The following PRSS35 variants were observed in gnomAD, a reference collection of about 807,000 sequenced individuals.
PRSS35 encodes the protein inactive serine protease 35.
A neutral mutation model predicts 8.1 loss-of-function variants in PRSS35; 7 were observed. That is an observed-to-expected ratio of 0.86 (90% CI 0.49 to 1.62). PRSS35 has a LOEUF of 1.62. PRSS35 is among the 40% of genes most tolerant of loss of function. The probability of loss-of-function intolerance (pLI) is 0.00; values close to 1 mark genes in which losing one functional copy is unlikely to be tolerated. For missense variants in PRSS35, 566 were observed against 518.0 expected, an observed-to-expected ratio of 1.09 and a Z score of -0.90; for synonymous variants, 199 against 188.7, an observed-to-expected ratio of 1.05 and a Z score of -0.45.
rs1309107427 is a variant in PRSS35 at position 83,525,048 on chromosome 6, A to C, written c.*365A>C. The C allele has an allele frequency of 5.0e-6, 1 of 201,408 alleles. No homozygotes were observed. Among genetic ancestry groups the C allele is most frequent in the Non-Finnish European group, 1.1e-5 (1 of 90,146 alleles). 12.5% of individuals were successfully genotyped at this position (201,408 alleles called of 1,614,324 possible). A position where few individuals can be genotyped will look rare whatever the true frequency, so the allele number is the denominator to read the frequency against. On this transcript the variant is annotated 3_prime_UTR_variant, in exon 2 of 2. Transcript: ENST00000369700. ...GGTCCTACTCTAAGAAGAATCTAAT[A>C]GGATGCTGGTTGTGTATTAAATGTG...
intron 1 of PRSS35, 69 bp from the exon 2 acceptor site, chr6:83,523,353 C>G (rs1221739862): frequency 1.7e-6 from 2 of 1,207,074 alleles, no homozygotes; most frequent in Non-Finnish European, 2.3e-6. Flanking sequence ...GATCCAAGGG[C>G]TGAATGAAAT....
chr6:83,524,236 A>G lies in PRSS35; in HGVS notation c.795A>G (p.Arg265=). The change falls in exon 2 of 2, where the codon CGA becomes CGG. Residue 265 remains arginine, a synonymous_variant. Coordinates refer to ENST00000369700, the MANE Select transcript of PRSS35 (RefSeq NM_153362.3). ...CCCACATTCCGAAGGGCTGGGCACG[A>G]GGAGGCATGGGGGACGCTACCTTGG... is the stretch of plus-strand genomic sequence containing the variant. ...KNTHIPKGWA[R]GGMGDATLDY... The G allele has an allele frequency of 6.2e-7, 1 of 1,614,128 alleles. No individual in the cohort carries two copies. Among genetic ancestry groups the G allele is most frequent in the Non-Finnish European group, 8.5e-7 (1 of 1,180,026 alleles).
In PRSS35 at chr6:83,523,812, T is replaced by C. The variant is rs1562035173; in HGVS notation, c.371T>C (p.Val124Ala). 1.9e-6 allele frequency: 3 copies of C among 1,614,102 alleles called. No individual in the cohort carries two copies. Among genetic ancestry groups the C allele is most frequent in the Non-Finnish European group, 2.5e-6 (3 of 1,180,018 alleles). Residue 124 changes from valine (V) to alanine (A), a missense_variant, in exon 2 of 2, where the codon GTG becomes GCG. Coordinates refer to ENST00000369700, the MANE Select transcript of PRSS35 (RefSeq NM_153362.3). Reference sequence around the variant, plus strand: ...GTATCTGTTAGGAGAAAGAGACAGGTGTATGGCACCGACAGCAGGTTCAGC... The same window carrying C: ...GTATCTGTTAGGAGAAAGAGACAGGCGTATGGCACCGACAGCAGGTTCAGC... ...KGVSVRRKRQ[V>A]YGTDSRFSIL...
chr6:83,517,805 G>A (rs760873744), intron 1 of PRSS35, among the ~76,000 whole-genome samples: 5 of 152,206 alleles, frequency 3.3e-5, no homozygotes, highest in Non-Finnish European at 7.3e-5. Context: ...TTAAAAGGTG[G>A]TCATGCAATC....
Position 83,512,871 on chromosome 6 carries a change from C to T in PRSS35, c.-21+177C>T, listed in dbSNP as rs529295352. Among the ~76,000 whole-genome samples the T allele has an allele frequency of 1.3e-4, 20 of 152,296 alleles. No individual in the cohort carries two copies. The East Asian group carries it at 3.9e-3, about 29-fold the overall frequency. On this transcript the variant is annotated intron_variant, in intron 1 of 1. Transcript: ENST00000369700. ...CCTTCCCATAGGCAATTCTGTGTGC[C>T]GGCCTCTGCACAGTTTAATATTAAC...
At position 83,523,503 on chromosome 6, in the gene PRSS35, C is replaced by G; in HGVS notation, c.62C>G (p.Ser21Cys). The part of the protein sequence containing the change: ...FTPGWTLIDG[S>C]EMEWDFMWHL... The stretch of plus-strand genomic sequence containing the variant: ...CCTGGGTGGACCCTCATTGATGGAT[C>G]TGAAATGGAATGGGATTTTATGTGG... The change falls in exon 2 of 2, where the codon TCT becomes TGT. Residue 21 changes from serine (S) to cysteine (C), a missense_variant. By Grantham distance (112) the Ser-to-Cys change is moderately radical. Transcript: ENST00000369700. 6.2e-7 allele frequency: 1 copy of G among 1,614,144 alleles called. No individual in the cohort carries two copies. The highest frequency in any genetic ancestry group is 8.5e-7 in the Non-Finnish European group (1 of 1,180,016).
At chr6:83,517,565 C>T (rs1321052030) in intron 1 of PRSS35, among the ~76,000 whole-genome samples, 1 of 152,212 alleles carries the variant, frequency 6.6e-6, no homozygotes, top group Non-Finnish European at 1.5e-5. Flanking sequence ...CTCCCCCTCT[C>T]CTGCTGTGGC....
intron 1 of PRSS35, among the ~76,000 whole-genome samples, chr6:83,516,761 T>C (rs1169493029): frequency 6.6e-6 from 1 of 152,118 alleles, no homozygotes; most frequent in East Asian, 1.9e-4. Flanking sequence ...ATTCCTCAGC[T>C]CATGATCCTG....
intron 1 of PRSS35, among the ~76,000 whole-genome samples, chr6:83,515,022 C>A (rs965361428): frequency 1.3e-5 from 2 of 152,116 alleles, no homozygotes; most frequent in Non-Finnish European, 2.9e-5. Flanking sequence ...ATTTTAAATA[C>A]CTGCGTTAGA....
At chr6:83,513,965 T>C (rs1771669286) in intron 1 of PRSS35, among the ~76,000 whole-genome samples, 1 of 152,220 alleles carries the variant, frequency 6.6e-6, no homozygotes, top group Admixed American at 6.5e-5. Flanking sequence ...TTTGGGAGGA[T>C]AGAGCTACTT....
At chr6:83,520,002 G>A (rs1251799762) in intron 1 of PRSS35, among the ~76,000 whole-genome samples, 4 of 151,812 alleles carry the variant, frequency 2.6e-5, no homozygotes, top group African/African-American at 9.7e-5. Flanking sequence ...GATGCACATA[G>A]GATCACTATG....
intron 1 of PRSS35, among the ~76,000 whole-genome samples, chr6:83,513,873 A>G (rs1771667726): frequency 6.6e-6 from 1 of 151,896 alleles, no homozygotes; most frequent in African/African-American, 2.4e-5. Context: ...AATTTTCTCC[A>G]TTGGGTAAAT....
chr6:83,524,120 GC>G lies in PRSS35; in HGVS notation c.680del (p.Ala227GlyfsTer56). On this transcript the variant is annotated frameshift_variant, in exon 2 of 2. Transcript: ENST00000369700. LOFTEE classifies it low-confidence loss of function (END_TRUNC). ...EGTREHLRERAKGGRRRKKSG... is the reference protein window; with the variant it reads ...EGTREHLRERXKGGRRRKKSG... Reference sequence around the variant, plus strand: ...TACCAGAGAGCATCTGCGGGAGAGAGCGAAGGGTGGGAGAAGAAGAAAAAAA... The same window carrying G: ...TACCAGAGAGCATCTGCGGGAGAGAGGAAGGGTGGGAGAAGAAGAAAAAAA... 1 of 1,614,130 alleles carries G rather than the reference GC, an allele frequency of 6.2e-7. No individual in the cohort carries two copies. Among genetic ancestry groups the G allele is most frequent in the South Asian group, 1.1e-5 (1 of 91,078 alleles).
rs769211650 is a variant in PRSS35, at chr6:83,524,051, A to T, written c.610A>T (p.Lys204Ter). ...TGGAGGCAAGAAACGTCGAGGTTCT[A>T]AGAGGAGCAGGAGAGAAGCTAGTGG... ...KSGGKKRRGSKRSRREASGGD... is the reference protein window; with the variant it reads ...KSGGKKRRGS The change falls in exon 2 of 2, where the codon AAG (lysine) becomes TAG (stop). Residue 204 changes from lysine (K) to a stop codon, truncating the protein, a stop_gained. Coordinates refer to ENST00000369700, the MANE Select transcript of PRSS35 (RefSeq NM_153362.3). LOFTEE classifies it low-confidence loss of function (END_TRUNC). 2 of 1,614,186 alleles carry T rather than the reference A, an allele frequency of 1.2e-6. No individual in the cohort carries two copies. Among genetic ancestry groups the T allele is most frequent in the Non-Finnish European group, 8.5e-7 (1 of 1,180,040 alleles).
chr6:83,523,998 T>C lies in PRSS35; in HGVS notation c.557T>C (p.Val186Ala), dbSNP rs1243654325. The C allele has an allele frequency of 5.6e-6, 9 of 1,613,500 alleles. No individual in the cohort carries two copies. Among genetic ancestry groups the C allele is most frequent in the Non-Finnish European group, 7.6e-6 (9 of 1,179,922 alleles). Reference protein sequence around the residue: ...DYVKGSKKLRVGLLKMRNKSG... With the variant: ...DYVKGSKKLRAGLLKMRNKSG... ...GTCAAAGGGAGTAAAAAGCTAAGGGTAGGGTTGTTGAAGATGAGGAATAAA... is the reference window on the plus strand; with the variant it reads ...GTCAAAGGGAGTAAAAAGCTAAGGGCAGGGTTGTTGAAGATGAGGAATAAA... Residue 186 changes from valine to alanine, a missense_variant, in exon 2 of 2, where the codon GTA becomes GCA. Transcript: ENST00000369700.
chr6:83,519,257 G>C (rs763479746), intron 1 of PRSS35, among the ~76,000 whole-genome samples: 12 of 152,026 alleles, frequency 7.9e-5, no homozygotes, highest in Non-Finnish European at 1.8e-4. Context: ...CTGTCTTCAG[G>C]ATCCAGCCCA....
At chr6:83,521,898 C>T (rs1188474021) in intron 1 of PRSS35, among the ~76,000 whole-genome samples, 1 of 152,110 alleles carries the variant, frequency 6.6e-6, no homozygotes, top group Non-Finnish European at 1.5e-5. Context: ...ATGTAGCATA[C>T]ATTTTTCATC....
chr6:83,519,522 A>G (rs1232133491), intron 1 of PRSS35, among the ~76,000 whole-genome samples: 1 of 151,640 alleles, frequency 6.6e-6, no homozygotes, highest in Non-Finnish European at 1.5e-5. Flanking sequence ...TCCTTTTTGG[A>G]TAATGGGCAT....
rs766677846 is a variant in PRSS35 at position 83,524,456 on chromosome 6, T to C, written c.1015T>C (p.Cys339Arg). ...DESNDLLYQY[C>R]DAESGSTGSG... Reference sequence around the variant, plus strand: ...ATCCAATGATCTCCTTTACCAATACTGCGATGCTGAGTCGGGCTCCACCGG... The same window carrying C: ...ATCCAATGATCTCCTTTACCAATACCGCGATGCTGAGTCGGGCTCCACCGG... Residue 339 changes from cysteine (C) to arginine (R), a missense_variant, in exon 2 of 2, where the codon TGC becomes CGC. Coordinates refer to ENST00000369700, the MANE Select transcript of PRSS35 (RefSeq NM_153362.3). 4 of 1,614,132 alleles carry C rather than the reference T, an allele frequency of 2.5e-6. No individual in the cohort carries two copies. In the Admixed American group the frequency reaches 5.0e-5, roughly 20 times the overall value.
Sources: allele counts gnomAD v4.1 joint callset (sites outside exome capture counted in the v4.1 genomes callset), GRCh38; gene constraint gnomAD v4.1.1; transcripts MANE v1.5; gene names NCBI Gene and HGNC (gene_info 2026-07-23, HGNC 2026-07-21).